EIF2AK3: variants seen among roughly 807,000 people sequenced by gnomAD.
EIF2AK3 encodes the protein eukaryotic translation initiation factor 2 alpha kinase 3, also known as eukaryotic translation initiation factor 2-alpha kinase 3.
A neutral mutation model predicts 113.5 loss-of-function variants in EIF2AK3; 50 were observed. The observed-to-expected ratio is 0.44, with a 90% CI of 0.35 to 0.56. The LOEUF is 0.56. Among genes scored for constraint, EIF2AK3 ranks in the 20% least tolerant of loss-of-function variants. The pLI, the probability that EIF2AK3 is intolerant of heterozygous loss-of-function variation, is 0.00. For synonymous variants in EIF2AK3, 448 were observed against 495.4 expected (o/e 0.90, Z 1.27); for missense variants, 1,185 against 1,378.0 (o/e 0.86, Z 2.22).
intron 2 of EIF2AK3, among the ~76,000 whole-genome samples, chr2:88,598,688 A>T (rs1280801776): frequency 6.6e-6 from 1 of 152,228 alleles, no homozygotes; most frequent in East Asian, 1.9e-4. Context: ...CCTAGACTAG[A>T]TGCTGTACTA....
At chr2:88,566,507 A>C (rs58251274) in intron 14 of EIF2AK3, among the ~76,000 whole-genome samples, 6,318 of 151,874 alleles carry the variant, frequency 0.042, 413 homozygotes, top group African/African-American at 0.15. Flanking sequence ...CCTGATAGTT[A>C]TTTTTAAAAA....
At chr2:88,562,248 T>G in intron 15 of EIF2AK3, 41 bp downstream of exon 15, 1 of 1,519,886 alleles carries the variant, frequency 6.6e-7, no homozygotes, top group Middle Eastern at 1.7e-4. Context: ...TTAGATTATT[T>G]TCTGTTTGAA....
At chr2:88,572,636 T>A (rs1331907349) in intron 13 of EIF2AK3, among the ~76,000 whole-genome samples, 2 of 152,204 alleles carry the variant, frequency 1.3e-5, no homozygotes, top group Non-Finnish European at 2.9e-5. Flanking sequence ...TGATCTCAGC[T>A]AAAGCTTTAC....
At chr2:88,576,038 T>C (rs1674449264) in intron 12 of EIF2AK3, among the ~76,000 whole-genome samples, 1 of 152,248 alleles carries the variant, frequency 6.6e-6, no homozygotes, top group African/African-American at 2.4e-5. Context: ...ATATTCAGGC[T>C]AAGTTTATGT....
chr2:88,606,525 T>A (rs1675283962), intron 2 of EIF2AK3, among the ~76,000 whole-genome samples: 1 of 152,216 alleles, frequency 6.6e-6, no homozygotes, highest in African/African-American at 2.4e-5. Context: ...GATTGACAGC[T>A]ATGCTTCAAA....
Position 88,590,501 on chromosome 2 carries a change from T to G in EIF2AK3, c.1107A>C (p.Glu369Asp). 6.2e-7 allele frequency: 1 copy of G among 1,613,974 alleles called. No homozygotes were observed. Among genetic ancestry groups the G allele is most frequent in the Non-Finnish European group, 8.5e-7 (1 of 1,179,948 alleles). The change falls in exon 6 of 17, where the codon GAA becomes GAC. Residue 369 changes from glutamate (E) to aspartate (D), a missense_variant. Around this residue, in one of 3 missense-constraint regions of EIF2AK3, gnomAD observed 877 missense variants for 1,024.2 expected, o/e 0.86. Coordinates refer to ENST00000303236, the MANE Select transcript of EIF2AK3 (RefSeq NM_004836.7). ...CAGCTTCTACAATGTCTTCTTCATC[T>G]TCTAAAACATCATCATTAGATGTAT... is the stretch of plus-strand genomic sequence containing the variant. ...TSYTSNDDVL[E>D]DEEDIVEAAR...
chr2:88,620,636 C>A (rs574440637), intron 1 of EIF2AK3, among the ~76,000 whole-genome samples: 1 of 152,328 alleles, frequency 6.6e-6, no homozygotes, highest in Admixed American at 6.5e-5. Context: ...GGCTTAGGAA[C>A]CACTGCTCTG....
At chr2:88,593,968 G>A (rs1271398790) in intron 3 of EIF2AK3, 5 of 990,762 alleles carry the variant, frequency 5.0e-6, no homozygotes, top group Non-Finnish European at 6.0e-6. Flanking sequence ...CCAGGTGATC[G>A]GGTTCAATCC....
chr2:88,590,106 G>T (rs1674844660), intron 6 of EIF2AK3, among the ~76,000 whole-genome samples: 1 of 152,010 alleles, frequency 6.6e-6, no homozygotes. Flanking sequence ...ATGGTGGCAG[G>T]TGCCAGTAAT....
At chr2:88,561,021 G>C (rs1185197127) in intron 15 of EIF2AK3, among the ~76,000 whole-genome samples, 1 of 152,150 alleles carries the variant, frequency 6.6e-6, no homozygotes, top group African/African-American at 2.4e-5. Flanking sequence ...TATTTTCAGA[G>C]ACAGGGTCTT....
intron 10 of EIF2AK3, among the ~76,000 whole-genome samples, chr2:88,582,452 C>A (rs1005771439): frequency 1.3e-5 from 2 of 152,084 alleles, no homozygotes; most frequent in Non-Finnish European, 2.9e-5. Flanking sequence ...GAATTACAAC[C>A]GGCTGAGGTG....
At chr2:88,562,156 T>C (rs1241420586) in intron 15 of EIF2AK3, 133 bp downstream of exon 15, 3 of 714,186 alleles carry the variant, frequency 4.2e-6, no homozygotes, top group Non-Finnish European at 7.4e-6. Flanking sequence ...TCTGTGTTAC[T>C]CACATCACCT....
intron 2 of EIF2AK3, among the ~76,000 whole-genome samples, chr2:88,608,655 T>A (rs1008595555): frequency 6.6e-6 from 1 of 151,230 alleles, no homozygotes; most frequent in African/African-American, 2.4e-5. Context: ...GTAGTATTAC[T>A]CTATGCATCC....
chr2:88,601,220 G>C (rs1675140526), intron 2 of EIF2AK3, among the ~76,000 whole-genome samples: 1 of 152,166 alleles, frequency 6.6e-6, no homozygotes, highest in Non-Finnish European at 1.5e-5. Context: ...TGATTTACTT[G>C]AGAAACCAGA....
At chr2:88,594,692 C>T (rs1674969449) in intron 3 of EIF2AK3, among the ~76,000 whole-genome samples, 1 of 152,064 alleles carries the variant, frequency 6.6e-6, no homozygotes, top group Non-Finnish European at 1.5e-5. Flanking sequence ...GTCTCAGTTT[C>T]TTCATCTGTA....
In EIF2AK3 at chr2:88,583,499, T is replaced by C. The variant is rs1176222628; in HGVS notation, c.1694A>G (p.Tyr565Cys). 1 of 1,613,290 alleles carries C rather than the reference T, an allele frequency of 6.2e-7. No individual in the cohort carries two copies. Among genetic ancestry groups the C allele is most frequent in the East Asian group, 2.2e-5 (1 of 44,748 alleles). Reference protein sequence around the residue: ...SETQCQTENKYDSVSGEANDS... With the variant: ...SETQCQTENKCDSVSGEANDS... Reference sequence around the variant, plus strand: ...ATTGGCTTCACCACTTACAGAATCATATTTATTTTCAGTTTGACACTGAGT... The same window carrying C: ...ATTGGCTTCACCACTTACAGAATCACATTTATTTTCAGTTTGACACTGAGT... The change falls in exon 10 of 17, where the codon TAT becomes TGT. Residue 565 changes from tyrosine (Y) to cysteine (C), a missense_variant. Physicochemically the swap from Tyr to Cys is radical, Grantham distance 194. This residue lies in a region of EIF2AK3 where 877 missense variants were observed against 1,024.2 expected (regional missense o/e 0.86). Transcript: ENST00000303236.
At position 88,557,011 on chromosome 2, in the gene EIF2AK3, GA is replaced by G. The variant is rs977036646; in HGVS notation, c.*724del. ...CATTAGGCTTAAAAAGTCCATAGTT[GA>G]AGAAGTTAGTTGTAATATATATGAT... is the stretch of plus-strand genomic sequence containing the variant. On this transcript the variant is annotated 3_prime_UTR_variant, in exon 17 of 17. Coordinates refer to ENST00000303236, the MANE Select transcript of EIF2AK3 (RefSeq NM_004836.7). The G allele has an allele frequency of 2.0e-5, 3 of 152,252 alleles. No individual in the cohort carries two copies. Among genetic ancestry groups the G allele is most frequent in the African/African-American group, 7.2e-5 (3 of 41,432 alleles). 9.4% of individuals were successfully genotyped at this position (152,252 alleles called of 1,614,324 possible).
At chr2:88,601,399 T>C (rs531237253) in intron 2 of EIF2AK3, among the ~76,000 whole-genome samples, 1 of 152,352 alleles carries the variant, frequency 6.6e-6, no homozygotes, top group Non-Finnish European at 1.5e-5. Flanking sequence ...CACTTCCTAT[T>C]ACATTAGGGG....
chr2:88,593,952 G>T, intron 3 of EIF2AK3: 2 of 990,688 alleles, frequency 2.0e-6, no homozygotes, highest in Non-Finnish European at 2.4e-6. Flanking sequence ...ACATCAAATC[G>T]GAAAACCAGG....
Sources: allele counts gnomAD v4.1 joint callset (sites outside exome capture counted in the v4.1 genomes callset), GRCh38; gene constraint gnomAD v4.1.1; regional missense constraint gnomAD v4.1.1; transcripts MANE v1.5; gene names NCBI Gene and HGNC (gene_info 2026-07-23, HGNC 2026-07-21).